The following ITGA4 variants were observed in gnomAD, a reference collection of about 807,000 sequenced individuals.
ITGA4 encodes integrin alpha-4.
Under a neutral mutation model 133.6 loss-of-function variants are expected in ITGA4, and 63 were observed. The ratio of observed to expected loss-of-function variants is 0.47; its 90% CI spans 0.38 to 0.58. The LOEUF (loss-of-function observed/expected upper bound fraction) is 0.58, where lower values mean the gene tolerates loss of function less well. Among genes scored for constraint, ITGA4 ranks in the 20% least tolerant of loss-of-function variants. The pLI, the probability that ITGA4 is intolerant of heterozygous loss-of-function variation, is 0.00. For synonymous variants in ITGA4, 483 were observed against 438.0 expected (o/e 1.10, Z -1.28); for missense variants, 1,076 against 1,252.7 (o/e 0.86, Z 2.13).
At chr2:181,490,681 A>G (rs1017443678) in intron 10 of ITGA4, among the ~76,000 whole-genome samples, 1 of 152,120 alleles carries the variant, frequency 6.6e-6, no homozygotes, top group Non-Finnish European at 1.5e-5. Context: ...CCAGGTCCAC[A>G]ACATCCTGGC....
rs1686949390 is a variant in ITGA4, at chr2:181,531,750, G to C, written c.2758G>C (p.Glu920Gln). The change falls in exon 25 of 28, where the codon GAA becomes CAA. Residue 920 changes from glutamate to glutamine, a missense_variant. By Grantham distance (29) the Glu-to-Gln change is conservative. Around this residue, in one of 4 missense-constraint regions of ITGA4, gnomAD observed 193 missense variants for 172.3 expected, o/e 1.12. Coordinates refer to ENST00000397033, the MANE Select transcript of ITGA4 (RefSeq NM_000885.6). ...GKEASVHIQL[E>Q]GRPSILEMDE... ...AGAAGCCAGTGTTCATATCCAACTG[G>C]AAGGCCGGCCATCCATTTTAGAAAT... 6.2e-7 allele frequency: 1 copy of C among 1,600,276 alleles called. No individual in the cohort carries two copies. Among genetic ancestry groups the C allele is most frequent in the South Asian group, 1.1e-5 (1 of 87,500 alleles).
rs1387892428 is a variant in ITGA4 at position 181,538,112 on chromosome 2, G to GGTTTAAAGCATGGCCACATTTCTTTAT, written c.*2586_*2612dup. ...GGTCCCAAAAAGGGTGGGGACCACA[G>GGTTTAAAGCATGGCCACATTTCTTTAT]GTTTAAAGCATGGCCACATTTCTTT... On this transcript the variant is annotated 3_prime_UTR_variant, in exon 28 of 28. Transcript: ENST00000397033. 8.5e-6 allele frequency: 9 copies of GGTTTAAAGCATGGCCACATTTCTTTAT among 1,061,548 alleles called. No individual in the cohort carries two copies. Among genetic ancestry groups the GGTTTAAAGCATGGCCACATTTCTTTAT allele is most frequent in the Middle Eastern group, 3.0e-4 (1 of 3,348 alleles). 65.8% of individuals were successfully genotyped at this position (1,061,548 alleles called of 1,614,324 possible). A position where few individuals can be genotyped will look rare whatever the true frequency, so the allele number is the denominator to read the frequency against.
At chr2:181,517,233 T>C (rs538382887) in intron 17 of ITGA4, among the ~76,000 whole-genome samples, 139 of 152,200 alleles carry the variant, frequency 9.1e-4, no homozygotes, top group African/African-American at 3.1e-3. Flanking sequence ...AAGTATGGTA[T>C]CAGTTTACAT....
chr2:181,496,890 A>T (rs187531660), intron 14 of ITGA4, among the ~76,000 whole-genome samples: 3 of 152,186 alleles, frequency 2.0e-5, no homozygotes, highest in African/African-American at 7.2e-5. Context: ...AAGGGCCCAC[A>T]TACTTATTAA....
At chr2:181,482,076 C>G (rs1447002790) in intron 7 of ITGA4, among the ~76,000 whole-genome samples, 1 of 152,088 alleles carries the variant, frequency 6.6e-6, no homozygotes, top group East Asian at 1.9e-4. Flanking sequence ...ATTGGTCACC[C>G]AGCTTTTCTG....
chr2:181,464,537 A>G (rs747150268), intron 2 of ITGA4, among the ~76,000 whole-genome samples: 1 of 152,174 alleles, frequency 6.6e-6, no homozygotes, highest in Non-Finnish European at 1.5e-5. Flanking sequence ...AGACAGGTAC[A>G]TAGTGATGAG....
At chr2:181,510,819 A>G (rs1242041906) in intron 16 of ITGA4, among the ~76,000 whole-genome samples, 1 of 152,058 alleles carries the variant, frequency 6.6e-6, no homozygotes, top group Non-Finnish European at 1.5e-5. Flanking sequence ...GAAAATCTCA[A>G]TATTGCAAGT....
At chr2:181,521,734 C>T (rs536771062) in intron 17 of ITGA4, among the ~76,000 whole-genome samples, 1 of 152,292 alleles carries the variant, frequency 6.6e-6, no homozygotes, top group Non-Finnish European at 1.5e-5. Flanking sequence ...TTGCTCACTT[C>T]TACCAAGTAT....
At chr2:181,467,728 A>G (rs556905794) in intron 2 of ITGA4, among the ~76,000 whole-genome samples, 87 of 152,322 alleles carry the variant, frequency 5.7e-4, no homozygotes, top group South Asian at 1.7e-3. Context: ...CAGTTAATTC[A>G]TATGTCTGGA....
Position 181,522,342 on chromosome 2 carries a change from G to A in ITGA4, c.2073+1G>A. On this transcript the variant is annotated splice_donor_variant, in intron 18 of 27. Transcript: ENST00000397033. LOFTEE classifies it high-confidence loss of function. Reference sequence around the variant, plus strand: ...TTATTTCATTAAGATTTTAGAGCTGGTAAGTACTGTAAACCACAATAGCAT... The same window carrying A: ...TTATTTCATTAAGATTTTAGAGCTGATAAGTACTGTAAACCACAATAGCAT... 1 of 1,591,250 alleles carries A rather than the reference G, an allele frequency of 6.3e-7. No individual in the cohort carries two copies. Among genetic ancestry groups the A allele is most frequent in the Non-Finnish European group, 8.6e-7 (1 of 1,168,394 alleles).
chr2:181,525,000 G>A (rs571061685), intron 20 of ITGA4, among the ~76,000 whole-genome samples: 1 of 150,948 alleles, frequency 6.6e-6, no homozygotes, highest in Admixed American at 6.6e-5. Flanking sequence ...AGAAGCAAAT[G>A]ATAACAGTTT....
chr2:181,475,942 C>A, intron 4 of ITGA4: 1 of 1,440,840 alleles, frequency 6.9e-7, no homozygotes, highest in Non-Finnish European at 9.3e-7. Context: ...TCTTTAGGAG[C>A]TAAGAAACAT....
At chr2:181,461,979 A>G (rs1249678269) in intron 2 of ITGA4, among the ~76,000 whole-genome samples, 1 of 152,160 alleles carries the variant, frequency 6.6e-6, no homozygotes, top group Non-Finnish European at 1.5e-5. Flanking sequence ...ATTACATAAT[A>G]TTTTGGATTT....
intron 15 of ITGA4, among the ~76,000 whole-genome samples, chr2:181,506,530 C>T (rs1417981927): frequency 1.3e-5 from 2 of 151,886 alleles, no homozygotes; most frequent in Non-Finnish European, 2.9e-5. Context: ...TTGCTTTTAA[C>T]CACTATATAC....
At position 181,531,874 on chromosome 2, in the gene ITGA4, A is replaced by G; in HGVS notation, c.2784+98A>G. 3.8e-6 allele frequency: 3 copies of G among 787,830 alleles called. No individual in the cohort carries two copies. The South Asian group carries it at 8.3e-5, about 22-fold the overall frequency. The allele number at this position is 787,830 out of a possible 1,614,324, so 48.8% of individuals were successfully genotyped here. On this transcript the variant is annotated intron_variant, in intron 25 of 27. Coordinates refer to ENST00000397033, the MANE Select transcript of ITGA4 (RefSeq NM_000885.6). Reference sequence around the variant, plus strand: ...AGGATAGTATGAAGGCATTCAACAAATTAAATTTTAAATAAAATTTTGGAG... The same window carrying G: ...AGGATAGTATGAAGGCATTCAACAAGTTAAATTTTAAATAAAATTTTGGAG...
intron 25 of ITGA4, among the ~76,000 whole-genome samples, chr2:181,533,547 C>CT (rs200085020): frequency 0.01 from 1,570 of 152,242 alleles, 13 homozygotes; most frequent in Middle Eastern, 0.034. Context: ...ACGCTCACTG[C>CT]TGGTAGTACC....
intron 2 of ITGA4, among the ~76,000 whole-genome samples, chr2:181,468,855 A>G (rs947230557): frequency 6.6e-6 from 1 of 152,206 alleles, no homozygotes; most frequent in Non-Finnish European, 1.5e-5. Context: ...TATCTAGTGG[A>G]AAAATGCATT....
rs1686096716 is a variant in ITGA4 at position 181,493,408 on chromosome 2, A to G, written c.1237A>G (p.Thr413Ala). The G allele has an allele frequency of 1.9e-6, 3 of 1,600,686 alleles. No homozygotes were observed. The highest frequency in any genetic ancestry group is 1.3e-5 in the African/African-American group (1 of 74,726). ...TGGCCGTGCAGATGGGATCTCGTCA[A>G]CCTTCTCACAGGTAAGGTACTATTC... ...YNGRADGISSTFSQRIEGLQI... is the reference protein window; with the variant it reads ...YNGRADGISSAFSQRIEGLQI... Residue 413 changes from threonine (T) to alanine (A), a missense_variant, in exon 11 of 28, where the codon ACC becomes GCC. By Grantham distance (58) the Thr-to-Ala change is moderately conservative. Transcript: ENST00000397033.
intron 2 of ITGA4, chr2:181,459,105 T>A (rs1337839775): frequency 6.6e-6 from 1 of 152,186 alleles, no homozygotes; most frequent in African/African-American, 2.4e-5. Flanking sequence ...ATTGCTTAAC[T>A]TTTTTCCCCT....
Sources: gnomAD v4.1 joint callset for allele counts (sites outside exome capture counted in the v4.1 genomes callset) on GRCh38, gnomAD v4.1.1 for gene constraint, gnomAD v4.1.1 regional missense constraint, MANE v1.5 for transcripts, NCBI Gene and HGNC (gene_info 2026-07-23, HGNC 2026-07-21) for gene names.